PTPRM: variants seen among roughly 807,000 people sequenced by gnomAD.
PTPRM encodes receptor-type tyrosine-protein phosphatase mu.
In PTPRM, 47 loss-of-function variants were observed where a neutral mutation model predicts 186.7. That is an observed-to-expected ratio of 0.25 (90% CI 0.20 to 0.32). The LOEUF is 0.32. Ranked by LOEUF, PTPRM falls within the 10% of genes least tolerant of loss-of-function variation. PTPRM has a pLI of 1.00. For synonymous variants in PTPRM, 668 were observed against 674.9 expected, an observed-to-expected ratio of 0.99 and a Z score of 0.16; for missense variants, 1,494 against 1,865.0, an observed-to-expected ratio of 0.80 and a Z score of 3.66.
At chr18:7,663,049 G>T (rs2039014296) in intron 1 of PTPRM, among the ~76,000 whole-genome samples, 1 of 152,158 alleles carries the variant, frequency 6.6e-6, no homozygotes, top group Non-Finnish European at 1.5e-5. Flanking sequence ...GCAGGTCTGT[G>T]TGGCAGCACA....
intron 13 of PTPRM, chr18:8,121,983 A>C (rs961083510): frequency 6.6e-6 from 1 of 152,172 alleles, no homozygotes; most frequent in Non-Finnish European, 1.5e-5. Context: ...TGATCTATCC[A>C]AGATCTCAGC....
intron 22 of PTPRM, among the ~76,000 whole-genome samples, chr18:8,322,395 T>C (rs1221141670): frequency 1.3e-5 from 2 of 152,194 alleles, no homozygotes; most frequent in Non-Finnish European, 2.9e-5. Flanking sequence ...TTTTTAGTAT[T>C]AATATGTTCT....
intron 7 of PTPRM, among the ~76,000 whole-genome samples, chr18:8,041,480 G>A (rs2086687572): frequency 6.6e-6 from 1 of 151,926 alleles, no homozygotes; most frequent in Admixed American, 6.6e-5. Flanking sequence ...AAAAAAAAAG[G>A]CCAAGCATAT....
intron 13 of PTPRM, among the ~76,000 whole-genome samples, chr18:8,126,027 A>ATATTTTTTTTTTT (rs57751538): frequency 5.0e-4 from 35 of 69,488 alleles, no homozygotes; most frequent in Non-Finnish European, 7.7e-4. Context: ...ATATATATAT[A>ATATTTTTTTTTTT]TTTTAAATCA....
chr18:8,094,654 A>G (rs1055043608), intron 11 of PTPRM, among the ~76,000 whole-genome samples: 19 of 152,138 alleles, frequency 1.2e-4, no homozygotes, highest in Non-Finnish European at 1.3e-4. Context: ...TGCTTACTCT[A>G]AATTAATTAG....
chr18:7,995,144 G>A (rs796152847), intron 7 of PTPRM, among the ~76,000 whole-genome samples: 5 of 152,064 alleles, frequency 3.3e-5, no homozygotes, highest in African/African-American at 1.2e-4. Context: ...TGATACCACA[G>A]AAATAGAATC....
intron 1 of PTPRM, among the ~76,000 whole-genome samples, chr18:7,690,331 T>G (rs1176810936): frequency 6.6e-6 from 1 of 152,242 alleles, no homozygotes; most frequent in African/African-American, 2.4e-5. Context: ...AAATTGTGTT[T>G]TAAACTGTAG....
In PTPRM at chr18:8,111,311, A is replaced by T. The variant is rs182375602; in HGVS notation, c.1857-2175A>T. The stretch of plus-strand genomic sequence containing the variant: ...CTGGAAAAACGATTTGAAGGAAGTG[A>T]TGTTAAAAATTATTATATTGGCCAG... On this transcript the variant is annotated intron_variant, in intron 11 of 32. Transcript: ENST00000580170. Among the ~76,000 whole-genome samples, 322 of 152,294 alleles carry T rather than the reference A, an allele frequency of 2.1e-3. 1 individual carries two copies. Among genetic ancestry groups the T allele is most frequent in the African/African-American group, 7.3e-3 (303 of 41,558 alleles).
chr18:8,187,446 C>G (rs1006791280), intron 14 of PTPRM, among the ~76,000 whole-genome samples: 2 of 152,116 alleles, frequency 1.3e-5, no homozygotes, highest in Admixed American at 1.3e-4. Context: ...CAGACGTGGG[C>G]TGGGCCTGAA....
chr18:7,580,570 C>T (rs372193232), intron 1 of PTPRM, among the ~76,000 whole-genome samples: 1 of 152,120 alleles, frequency 6.6e-6, no homozygotes, highest in Non-Finnish European at 1.5e-5. Flanking sequence ...AGGGGCTTAG[C>T]ATTGATAGTC....
At chr18:7,887,430 C>A (rs2048844260) in intron 2 of PTPRM, among the ~76,000 whole-genome samples, 1 of 152,114 alleles carries the variant, frequency 6.6e-6, no homozygotes, top group Non-Finnish European at 1.5e-5. Flanking sequence ...TGTGAGAACA[C>A]CTCCACTGTC....
intron 14 of PTPRM, among the ~76,000 whole-genome samples, chr18:8,149,854 A>C (rs1376525450): frequency 6.6e-6 from 1 of 152,056 alleles, no homozygotes; most frequent in African/African-American, 2.4e-5. Flanking sequence ...TGGTGACAAA[A>C]TCTCTCAGCA....
chr18:8,046,603 G>T (rs984576936), intron 7 of PTPRM, among the ~76,000 whole-genome samples: 1 of 152,054 alleles, frequency 6.6e-6, no homozygotes, highest in African/African-American at 2.4e-5. Context: ...CCTCCCCAGG[G>T]CCCCAGTCCG....
rs921778424 is a variant in PTPRM at position 8,017,027 on chromosome 18, AT to A, written c.1133-52651del. Among the ~76,000 whole-genome samples, 8 of 152,044 alleles carry A rather than the reference AT, an allele frequency of 5.3e-5. No homozygotes were observed. In the East Asian group the frequency reaches 1.4e-3, roughly 26 times the overall value. Reference sequence around the variant, plus strand: ...ATGTTCATTATATAAACCCATACCGATTTTTTTTCTACATTCATCTATAAAT... The same window carrying A: ...ATGTTCATTATATAAACCCATACCGATTTTTTTCTACATTCATCTATAAAT... On this transcript the variant is annotated intron_variant, in intron 7 of 32. Coordinates refer to ENST00000580170, the MANE Select transcript of PTPRM (RefSeq NM_001105244.2).
intron 14 of PTPRM, among the ~76,000 whole-genome samples, chr18:8,202,699 A>G (rs1013051608): frequency 2.2e-4 from 33 of 151,882 alleles, no homozygotes; most frequent in African/African-American, 8.0e-4. Flanking sequence ...TCCTTACCTC[A>G]TCGCAGCTTT....
At chr18:8,069,276 C>T (rs539988206) in intron 7 of PTPRM, among the ~76,000 whole-genome samples, 7 of 152,274 alleles carry the variant, frequency 4.6e-5, no homozygotes, top group Admixed American at 1.3e-4. Context: ...CCTGGCTCCT[C>T]CTTCATCATT....
intron 13 of PTPRM, among the ~76,000 whole-genome samples, chr18:8,122,641 A>C (rs956577967): frequency 6.6e-6 from 1 of 152,230 alleles, no homozygotes; most frequent in Non-Finnish European, 1.5e-5. Context: ...GTTTCCAACA[A>C]AATACATAAA....
intron 13 of PTPRM, among the ~76,000 whole-genome samples, chr18:8,115,288 G>A (rs1052883821): frequency 4.6e-5 from 7 of 152,080 alleles, no homozygotes; most frequent in African/African-American, 7.2e-5. Flanking sequence ...CTGGTGGTGC[G>A]TGTCTCTCTG....
intron 14 of PTPRM, among the ~76,000 whole-genome samples, chr18:8,205,075 T>C (rs190662975): frequency 6.6e-6 from 1 of 152,338 alleles, no homozygotes; most frequent in East Asian, 1.9e-4. Context: ...TCTAATTTGC[T>C]TGACAATTAG....
Sources: gnomAD v4.1 joint callset for allele counts (sites outside exome capture counted in the v4.1 genomes callset) on GRCh38, gnomAD v4.1.1 for gene constraint, MANE v1.5 for transcripts, NCBI Gene and HGNC (gene_info 2026-07-23, HGNC 2026-07-21) for gene names.